Variants in CSF3R observed in about 807,000 individuals in gnomAD.
CSF3R encodes colony stimulating factor 3 receptor.
Under a neutral mutation model 84.4 loss-of-function variants are expected in CSF3R, and 52 were observed. The observed-to-expected ratio is 0.62, with a 90% CI of 0.49 to 0.78. The LOEUF (loss-of-function observed/expected upper bound fraction) is 0.78. Ranked by LOEUF, CSF3R falls within the 30% of genes least tolerant of loss-of-function variation. CSF3R has a pLI of 0.00. For synonymous variants in CSF3R, 384 were observed against 429.1 expected (o/e 0.89, Z 1.30); for missense variants, 890 against 1,055.7 (o/e 0.84, Z 2.17).
At chr1:36,476,497 G>A (rs1291715768) in intron 3 of CSF3R, among the ~76,000 whole-genome samples, 1 of 152,164 alleles carries the variant, frequency 6.6e-6, no homozygotes, top group African/African-American at 2.4e-5. Flanking sequence ...CCTGTGGCCT[G>A]GCCCCTGCCT....
Position 36,466,450 on chromosome 1 carries a change from G to A in CSF3R, c.2418C>T (p.Ser806=). The A allele has an allele frequency of 1.9e-6, 3 of 1,613,026 alleles. No homozygotes were observed. The South Asian group carries it at 3.3e-5, about 18-fold the overall frequency. The part of the protein sequence containing the change: ...PLGTLVTPAP[S]QEDDCVFGPL... The stretch of plus-strand genomic sequence containing the variant: ...GCCCAAAGACACAGTCGTCCTCCTG[G>A]CTTGGGGCTGGGGTTACCAGGGTCC... Residue 806 remains serine (S), a synonymous_variant, in exon 17 of 17, where the codon AGC becomes AGT. Coordinates refer to ENST00000373106, the MANE Select transcript of CSF3R (RefSeq NM_000760.4). This position sits in a 1 kb window ranked among gnomAD's most constrained non-coding sequence, Gnocchi z 4.6.
chr1:36,471,037 T>C (rs560693503), intron 10 of CSF3R, among the ~76,000 whole-genome samples: 4 of 151,982 alleles, frequency 2.6e-5, no homozygotes, highest in African/African-American at 9.7e-5. Flanking sequence ...GTGATAGGAC[T>C]CGTTTTTTGT....
rs960503303 is a variant in CSF3R at position 36,466,448 on chromosome 1, T to C, written c.2420A>G (p.Gln807Arg). Reference sequence around the variant, plus strand: ...TGGCCCAAAGACACAGTCGTCCTCCTGGCTTGGGGCTGGGGTTACCAGGGT... The same window carrying C: ...TGGCCCAAAGACACAGTCGTCCTCCCGGCTTGGGGCTGGGGTTACCAGGGT... ...LGTLVTPAPS[Q>R]EDDCVFGPLL... is the part of the protein sequence containing the mutation. The change falls in exon 17 of 17, where the codon CAG becomes CGG. Residue 807 changes from glutamine to arginine, a missense_variant. Coordinates refer to ENST00000373106, the MANE Select transcript of CSF3R (RefSeq NM_000760.4). The surrounding 1 kb of genome is among the most constrained non-coding windows in gnomAD (Gnocchi z 4.6). 3 of 1,613,152 alleles carry C rather than the reference T, an allele frequency of 1.9e-6. No homozygotes were observed. In the African/African-American group the frequency reaches 4.0e-5, roughly 22 times the overall value.
At position 36,467,185 on chromosome 1, in the gene CSF3R, G is replaced by A. The variant is rs747026856; in HGVS notation, c.2040+45C>T. On this transcript the variant is annotated intron_variant, in intron 16 of 16. Transcript: ENST00000373106. This position sits in a 1 kb window ranked among gnomAD's most constrained non-coding sequence, Gnocchi z 4.1. ...AGAAGGTGTCCCTTCACTGAGCCTG[G>A]GCCGACATCCCCATCTCATTTCCCT... 3.1e-6 allele frequency: 5 copies of A among 1,595,426 alleles called. No homozygotes were observed. The East Asian group carries it at 8.9e-5, about 28-fold the overall frequency.
intron 2 of CSF3R, chr1:36,479,880 G>A: frequency 2.9e-6 from 1 of 350,402 alleles, no homozygotes; most frequent in African/African-American, 2.1e-5. Flanking sequence ...GGAATTGCAT[G>A]CTGGTAGTTT....
intron 3 of CSF3R, among the ~76,000 whole-genome samples, chr1:36,478,713 G>T (rs1189659416): frequency 6.7e-6 from 1 of 150,090 alleles, no homozygotes; most frequent in African/African-American, 2.5e-5. Context: ...AAAAAAATTA[G>T]CTGGGTGTGG....
rs2124093917 is a variant in CSF3R at position 36,466,067 on chromosome 1, A to G, written c.*290T>C. The G allele has an allele frequency of 6.2e-7, 1 of 1,614,052 alleles. No individual in the cohort carries two copies. Among genetic ancestry groups the G allele is most frequent in the African/African-American group, 1.3e-5 (1 of 75,040 alleles). On this transcript the variant is annotated 3_prime_UTR_variant, in exon 17 of 17. Coordinates refer to ENST00000373106, the MANE Select transcript of CSF3R (RefSeq NM_000760.4). The surrounding 1 kb of genome is among the most constrained non-coding windows in gnomAD (Gnocchi z 4.6). ...GTACACCCAAGAGTGTCTATAAACAACAACAAAAACTGCAAACCAAAAACT... is the reference window on the plus strand; with the variant it reads ...GTACACCCAAGAGTGTCTATAAACAGCAACAAAAACTGCAAACCAAAAACT...
At chr1:36,469,035 C>T in intron 12 of CSF3R, 121 bp downstream of exon 12, 1 of 765,850 alleles carries the variant, frequency 1.3e-6, no homozygotes, top group Non-Finnish European at 2.3e-6. Context: ...GAGAGATCCT[C>T]TCCAGGGCTG....
At position 36,466,803 on chromosome 1, in the gene CSF3R, C is replaced by T. The variant is rs1650351588; in HGVS notation, c.2065G>A (p.Gly689Ser). ...GTGAGCTTGGTGATGGGTGGCGTGC[C>T]AAGGCCGGGCAGCTGGAAGGCATCC... ...EEDAFQLPGLGTPPITKLTVL... is the reference protein window; with the variant it reads ...EEDAFQLPGLSTPPITKLTVL... Residue 689 changes from glycine (G) to serine (S), a missense_variant, in exon 17 of 17, where the codon GGC (glycine) becomes AGC (serine). Coordinates refer to ENST00000373106, the MANE Select transcript of CSF3R (RefSeq NM_000760.4). The surrounding 1 kb of genome is among the most constrained non-coding windows in gnomAD (Gnocchi z 4.6). 1 of 1,614,054 alleles carries T rather than the reference C, an allele frequency of 6.2e-7. No individual in the cohort carries two copies. Among genetic ancestry groups the T allele is most frequent in the African/African-American group, 1.3e-5 (1 of 74,912 alleles).
In CSF3R at chr1:36,466,085, CA is replaced by C. The variant is rs764036081; in HGVS notation, c.*271del. The C allele has an allele frequency of 6.2e-7, 1 of 1,614,060 alleles. No homozygotes were observed. The highest frequency in any genetic ancestry group is 1.1e-5 in the South Asian group (1 of 91,036). On this transcript the variant is annotated 3_prime_UTR_variant, in exon 17 of 17. Coordinates refer to ENST00000373106, the MANE Select transcript of CSF3R (RefSeq NM_000760.4). The surrounding 1 kb of genome is among the most constrained non-coding windows in gnomAD (Gnocchi z 4.6). ...ATAAACAACAACAAAAACTGCAAAC[CA>C]AAAACTAGTTTACAATACTGAAGTT...
In CSF3R at chr1:36,466,284, A is replaced by C; in HGVS notation, c.*73T>G. ...TGGGGTAGTTTTTAGTCATGGGCTTATGGACCCTCCCCTCTTCTCCAGCTA... is the reference window on the plus strand; with the variant it reads ...TGGGGTAGTTTTTAGTCATGGGCTTCTGGACCCTCCCCTCTTCTCCAGCTA... On this transcript the variant is annotated 3_prime_UTR_variant, in exon 17 of 17. Coordinates refer to ENST00000373106, the MANE Select transcript of CSF3R (RefSeq NM_000760.4). This position sits in a 1 kb window ranked among gnomAD's most constrained non-coding sequence, Gnocchi z 4.6. 1 of 1,611,868 alleles carries C rather than the reference A, an allele frequency of 6.2e-7. No homozygotes were observed. The highest frequency in any genetic ancestry group is 8.5e-7 in the Non-Finnish European group (1 of 1,179,310).
chr1:36,477,465 GC>G (rs1651223566), intron 3 of CSF3R: 1 of 151,792 alleles, frequency 6.6e-6, no homozygotes, highest in African/African-American at 2.4e-5. Context: ...TTTTCACCAT[GC>G]TGGCAGGCTG....
chr1:36,466,991 T>C lies in CSF3R; in HGVS notation c.2041-164A>G. 6.5e-7 allele frequency: 1 copy of C among 1,532,412 alleles called. No individual in the cohort carries two copies. The highest frequency in any genetic ancestry group is 8.9e-7 in the Non-Finnish European group (1 of 1,120,706). The allele number at this position is 1,532,412 out of a possible 1,614,324, so 94.9% of individuals were successfully genotyped here. A position where few individuals can be genotyped will look rare whatever the true frequency, so the allele number is the denominator to read the frequency against. ...CACTAGTATGTTCCTCACACATGCC[T>C]GACACATGCCATGCACCGTTCAGAC... On this transcript the variant is annotated intron_variant, in intron 16 of 16. Transcript: ENST00000373106. This position sits in a 1 kb window ranked among gnomAD's most constrained non-coding sequence, Gnocchi z 4.6.
intron 4 of CSF3R, among the ~76,000 whole-genome samples, 189 bp from the exon 5 acceptor site, chr1:36,474,076 C>G (rs3918013): frequency 1.3e-3 from 204 of 152,276 alleles, no homozygotes; most frequent in Non-Finnish European, 2.3e-3. Flanking sequence ...AGGCATGCAC[C>G]GGGGCAAGCA....
rs3917976 is a variant in CSF3R at position 36,472,013 on chromosome 1, G to A, written c.1071+53C>T. The A allele has an allele frequency of 5.4e-3, 8,436 of 1,571,988 alleles. 234 individuals carry two copies. In the African/African-American group the frequency reaches 0.081, roughly 15 times the overall value. ...CCTAAGCCCCGGTTTGTAGGGATCT[G>A]TTTGGACTGCGGGAGGTGTCGAGGT... On this transcript the variant is annotated intron_variant, in intron 9 of 16. Transcript: ENST00000373106. The surrounding 1 kb of genome is among the most constrained non-coding windows in gnomAD (Gnocchi z 5.0).
In CSF3R at chr1:36,466,444, C is replaced by G; in HGVS notation, c.2424G>C (p.Glu808Asp). 1 of 1,613,384 alleles carries G rather than the reference C, an allele frequency of 6.2e-7. No individual in the cohort carries two copies. The highest frequency in any genetic ancestry group is 8.5e-7 in the Non-Finnish European group (1 of 1,179,806). ...GTLVTPAPSQ[E>D]DDCVFGPLLN... ...GCAGTGGCCCAAAGACACAGTCGTC[C>G]TCCTGGCTTGGGGCTGGGGTTACCA... The change falls in exon 17 of 17, where the codon GAG becomes GAC. Residue 808 changes from glutamate (E) to aspartate (D), a missense_variant. Coordinates refer to ENST00000373106, the MANE Select transcript of CSF3R (RefSeq NM_000760.4). The surrounding 1 kb of genome is among the most constrained non-coding windows in gnomAD (Gnocchi z 4.6).
At chr1:36,481,414 A>G (rs539409424) in intron 2 of CSF3R, 64 bp downstream of exon 2, 1 of 152,186 alleles carries the variant, frequency 6.6e-6, no homozygotes, top group Non-Finnish European at 1.5e-5. Context: ...GCCGATATGC[A>G]GAGAGGTTTG....
Position 36,471,465 on chromosome 1 carries a change from C to G in CSF3R, c.1253G>C (p.Arg418Pro). ...LVAYNSAGTS[R>P]PTPVVFSESR... ...TTCTGAGAAGACCACCGGAGTGGGACGAGAGGTCCCGGCTGAGTTATAGGC... is the reference window on the plus strand; with the variant it reads ...TTCTGAGAAGACCACCGGAGTGGGAGGAGAGGTCCCGGCTGAGTTATAGGC... The change falls in exon 10 of 17, where the codon CGT (arginine) becomes CCT (proline). Residue 418 changes from arginine to proline, a missense_variant. Transcript: ENST00000373106. The G allele has an allele frequency of 1.2e-6, 2 of 1,614,142 alleles. No individual in the cohort carries two copies. Among genetic ancestry groups the G allele is most frequent in the Non-Finnish European group, 1.7e-6 (2 of 1,180,006 alleles).
At position 36,469,229 on chromosome 1, in the gene CSF3R, C is replaced by T. The variant is rs776028338; in HGVS notation, c.1503G>A (p.Glu501=). Reference sequence around the variant, plus strand: ...CCTGGTACAAGGGAGTCACGATGATCTCATAGAGCTGAAAGGGCCTGATGT... The same window carrying T: ...CCTGGTACAAGGGAGTCACGATGATTTCATAGAGCTGAAAGGGCCTGATGT... The part of the protein sequence containing the change: ...KENIRPFQLY[E]IIVTPLYQDT... The change falls in exon 12 of 17, where the codon GAG becomes GAA. Residue 501 remains glutamate (E), a synonymous_variant. Coordinates refer to ENST00000373106, the MANE Select transcript of CSF3R (RefSeq NM_000760.4). 1.2e-6 allele frequency: 2 copies of T among 1,614,108 alleles called. No homozygotes were observed. The highest frequency in any genetic ancestry group is 8.5e-7 in the Non-Finnish European group (1 of 1,179,980).
Sources: gnomAD v4.1 joint callset for allele counts (sites outside exome capture counted in the v4.1 genomes callset) on GRCh38, gnomAD v4.1.1 for gene constraint, Gnocchi (gnomAD v3.1) non-coding constraint, MANE v1.5 for transcripts, NCBI Gene and HGNC (gene_info 2026-07-23, HGNC 2026-07-21) for gene names.